Variants in PCDHA8 observed in about 807,000 individuals in gnomAD.
PCDHA8 encodes the protein protocadherin alpha 8.
In PCDHA8, 53 loss-of-function variants were observed where a neutral mutation model predicts 61.8. The ratio of observed to expected loss-of-function variants is 0.86; its 90% CI spans 0.69 to 1.08. PCDHA8 has a LOEUF of 1.08. Among genes scored for constraint, PCDHA8 ranks in the 50% least tolerant of loss-of-function variants. The pLI is 0.00. For synonymous variants in PCDHA8, 618 were observed against 556.6 expected (o/e 1.11, Z -1.55); for missense variants, 1,293 against 1,245.0 (o/e 1.04, Z -0.58).
intron 1 of PCDHA8, chr5:140,876,016 A>G (rs1554168175): frequency 6.2e-7 from 1 of 1,613,818 alleles, no homozygotes; most frequent in South Asian, 1.1e-5. Flanking sequence ...TGAGCTTAAA[A>G]TAAAAACAAA....
At chr5:140,945,673 A>G (rs192775886) in intron 1 of PCDHA8, among the ~76,000 whole-genome samples, 137 of 152,272 alleles carry the variant, frequency 9.0e-4, no homozygotes, top group Middle Eastern at 3.4e-3. Context: ...CCAGAAATAA[A>G]TCCACACAGT....
chr5:140,853,126 G>T, intron 1 of PCDHA8: 1 of 560,330 alleles, frequency 1.8e-6, no homozygotes. Flanking sequence ...TGATCCTCCC[G>T]CCTCAGCCTC....
At chr5:140,844,714 T>C (rs1779510682) in intron 1 of PCDHA8, among the ~76,000 whole-genome samples, 1 of 149,562 alleles carries the variant, frequency 6.7e-6, no homozygotes, top group Admixed American at 6.7e-5. Context: ...TCATGGCCCA[T>C]TAGTTCGTGT....
intron 1 of PCDHA8, among the ~76,000 whole-genome samples, chr5:140,977,051 G>T (rs2096743579): frequency 6.6e-6 from 1 of 152,178 alleles, no homozygotes; most frequent in South Asian, 2.1e-4. Flanking sequence ...GTTGCTGATG[G>T]ACTAGTATAG....
chr5:140,866,445 T>G (rs2049364254), intron 1 of PCDHA8: 1 of 152,140 alleles, frequency 6.6e-6, no homozygotes, highest in South Asian at 2.1e-4. Flanking sequence ...TCTTCAGTCT[T>G]ATTGTTGGCT....
At chr5:140,930,413 G>A (rs1461655739) in intron 1 of PCDHA8, 1 of 151,722 alleles carries the variant, frequency 6.6e-6, no homozygotes, top group Non-Finnish European at 1.5e-5. Flanking sequence ...TTTGAGACAG[G>A]GGTCTCACTA....
rs1554145527 is a variant in PCDHA8, at chr5:140,851,758, C to T, written c.2394+8043C>T. The T allele has an allele frequency of 1.1e-5, 11 of 969,794 alleles. 1 individual carries two copies. The highest frequency in any genetic ancestry group is 1.4e-5 in the Non-Finnish European group (11 of 802,714). 60.1% of individuals were successfully genotyped at this position (969,794 alleles called of 1,614,324 possible). ...GAAATTCAGAGTCTGTAACTTAAAACATTACCCTTATGAATTTAGATGAGA... is the reference window on the plus strand; with the variant it reads ...GAAATTCAGAGTCTGTAACTTAAAATATTACCCTTATGAATTTAGATGAGA... On this transcript the variant is annotated intron_variant, in intron 1 of 3. Transcript: ENST00000531613.
At chr5:140,897,785 A>G (rs1246213890) in intron 1 of PCDHA8, among the ~76,000 whole-genome samples, 1 of 152,148 alleles carries the variant, frequency 6.6e-6, no homozygotes, top group Non-Finnish European at 1.5e-5. Context: ...CAATGGTTGA[A>G]CTAGTTTAGA....
chr5:140,925,371 A>ATATT (rs1554202717), intron 1 of PCDHA8, among the ~76,000 whole-genome samples: 1 of 152,136 alleles, frequency 6.6e-6, no homozygotes, highest in Non-Finnish European at 1.5e-5. Context: ...CATAGTCAAT[A>ATATT]GTCAATGAGT....
At chr5:140,967,692 G>A (rs781940460) in intron 1 of PCDHA8, 12 of 1,614,196 alleles carry the variant, frequency 7.4e-6, no homozygotes, top group South Asian at 1.1e-5. Flanking sequence ...CAGCTCTTCA[G>A]CATAGATGCC....
intron 1 of PCDHA8, chr5:140,856,142 T>G (rs1554148241): frequency 6.3e-7 from 1 of 1,598,118 alleles, no homozygotes; most frequent in East Asian, 2.2e-5. Flanking sequence ...CCAGCTCCAC[T>G]ACTCAGTCTA....
At chr5:140,860,323 G>A (rs782283348) in intron 1 of PCDHA8, 1 of 152,078 alleles carries the variant, frequency 6.6e-6, no homozygotes, top group African/African-American at 2.4e-5. Context: ...TGAGGCTGCA[G>A]TGACCCATGA....
chr5:140,882,052 C>A (rs2058925535), intron 1 of PCDHA8: 5 of 766,334 alleles, frequency 6.5e-6, no homozygotes, highest in Admixed American at 3.1e-5. Context: ...GTCATACTTA[C>A]ACTTACACGT....
intron 1 of PCDHA8, among the ~76,000 whole-genome samples, chr5:140,909,441 C>T (rs971678951): frequency 6.6e-6 from 1 of 152,214 alleles, no homozygotes; most frequent in Non-Finnish European, 1.5e-5. Context: ...AATCCACTGT[C>T]ATTCTCCAAG....
At chr5:140,869,400 C>G (rs782134920) in intron 1 of PCDHA8, 3 of 1,614,144 alleles carry the variant, frequency 1.9e-6, no homozygotes, top group Middle Eastern at 3.3e-4. Context: ...GCGGGCAGAG[C>G]GCGGAGTGCA....
rs2098416866 is a variant in PCDHA8, at chr5:141,010,297, G to C, written c.*360G>C. 3 of 1,549,050 alleles carry C rather than the reference G, an allele frequency of 1.9e-6. No individual in the cohort carries two copies. The South Asian group carries it at 3.6e-5, about 19-fold the overall frequency. On this transcript the variant is annotated 3_prime_UTR_variant, in exon 4 of 4. Transcript: ENST00000531613. ...TGTCTTGATGACACTTGCAGGGCAGGCTGAAAAGTTTTGAGATTGAGCAGC... is the reference window on the plus strand; with the variant it reads ...TGTCTTGATGACACTTGCAGGGCAGCCTGAAAAGTTTTGAGATTGAGCAGC...
intron 1 of PCDHA8, chr5:140,850,152 G>T (rs2150469849): frequency 1.3e-6 from 2 of 1,595,546 alleles, no homozygotes; most frequent in Middle Eastern, 2.0e-4. Context: ...GACGCTGCAG[G>T]TGTTCGTGCT....
intron 1 of PCDHA8, among the ~76,000 whole-genome samples, chr5:140,936,658 G>A (rs1385566642): frequency 6.6e-6 from 1 of 152,174 alleles, no homozygotes; most frequent in Non-Finnish European, 1.5e-5. Context: ...TATATATTCT[G>A]TTTCTGGACT....
At position 140,841,293 on chromosome 5, in the gene PCDHA8, TA is replaced by T. The variant is rs1554138064; in HGVS notation, c.-28del. 1 of 1,494,496 alleles carries T rather than the reference TA, an allele frequency of 6.7e-7. No individual in the cohort carries two copies. Among genetic ancestry groups the T allele is most frequent in the African/African-American group, 1.4e-5 (1 of 71,074 alleles). The allele number at this position is 1,494,496 out of a possible 1,614,324, so 92.6% of individuals were successfully genotyped here. On this transcript the variant is annotated 5_prime_UTR_variant, in exon 1 of 4. Transcript: ENST00000531613. ...GTCGTTCATCTTTATATTAAGATAA[TA>T]TTTTCTGATAGGAAACGACTATTTA... is the stretch of plus-strand genomic sequence containing the variant.
Sources: gnomAD v4.1 joint callset for allele counts (sites outside exome capture counted in the v4.1 genomes callset) on GRCh38, gnomAD v4.1.1 for gene constraint, MANE v1.5 for transcripts, NCBI Gene and HGNC (gene_info 2026-07-23, HGNC 2026-07-21) for gene names.